SH2B3: variants seen among roughly 807,000 people sequenced by gnomAD.
The protein encoded by SH2B3 is SH2B adaptor protein 3.
SH2B3 carries 43 observed loss-of-function variants against 51.9 expected under a neutral mutation model. The observed-to-expected ratio is 0.83, with a 90% confidence interval of 0.65 to 1.07. The LOEUF (loss-of-function observed/expected upper bound fraction) is 1.07. SH2B3 is among the 50% of genes least tolerant of loss of function. The pLI is 0.00. For synonymous variants in SH2B3, 396 were observed against 376.0 expected (o/e 1.05, Z -0.62); for missense variants, 952 against 834.3 (o/e 1.14, Z -1.74).
intron 2 of SH2B3, chr12:111,444,939 G>A: frequency 1.1e-6 from 1 of 928,136 alleles, no homozygotes; most frequent in South Asian, 5.0e-5. Context: ...GCTCTCAAGG[G>A]CTGCTGTGGG....
At chr12:111,416,482 T>G (rs202233527) in intron 1 of SH2B3, among the ~76,000 whole-genome samples, 5 of 78,858 alleles carry the variant, frequency 6.3e-5, no homozygotes, top group Non-Finnish European at 1.2e-4. Context: ...TTGTTGCTGG[T>G]TTTTTTTTTG....
chr12:111,448,114 G>T lies in SH2B3; in HGVS notation c.1540G>T (p.Gly514Cys). The T allele has an allele frequency of 6.2e-7, 1 of 1,614,086 alleles. No individual in the cohort carries two copies. Among genetic ancestry groups the T allele is most frequent in the Non-Finnish European group, 8.5e-7 (1 of 1,179,994 alleles). The change falls in exon 8 of 8, where the codon GGT (glycine) becomes TGT (cysteine). Residue 514 changes from glycine (G) to cysteine (C), a missense_variant. Transcript: ENST00000341259. ...CTGTCCCCGGGGGCTCAGCCCAGAG[G>T]GTCTCCCAGGGCGATCCTCACCCCC... Reference protein sequence around the residue: ...SGCPRGLSPEGLPGRSSPPEQ... With the variant: ...SGCPRGLSPECLPGRSSPPEQ...
intron 2 of SH2B3, chr12:111,443,821 C>T (rs1873663805): frequency 6.6e-6 from 1 of 152,212 alleles, no homozygotes. Flanking sequence ...TTACAGATGA[C>T]AACTAAGGCA....
intron 2 of SH2B3, among the ~76,000 whole-genome samples, chr12:111,426,908 A>G (rs2135563309): frequency 6.6e-6 from 1 of 152,254 alleles, no homozygotes; most frequent in East Asian, 1.9e-4. Flanking sequence ...CCTAACCCCA[A>G]GCCCTTGGCC....
intron 2 of SH2B3, among the ~76,000 whole-genome samples, chr12:111,424,273 G>A (rs547761733): frequency 6.6e-6 from 1 of 152,130 alleles, no homozygotes; most frequent in African/African-American, 2.4e-5. Flanking sequence ...TGTACATTGG[G>A]GAGTACTCAT....
chr12:111,441,589 C>T (rs73410508), intron 2 of SH2B3, among the ~76,000 whole-genome samples: 94 of 152,038 alleles, frequency 6.2e-4, no homozygotes, highest in Admixed American at 2.3e-3. Context: ...ATGGCTGAGA[C>T]GCACCACGTT....
At chr12:111,424,806 C>G (rs964171234) in intron 2 of SH2B3, among the ~76,000 whole-genome samples, 1 of 152,196 alleles carries the variant, frequency 6.6e-6, no homozygotes, top group African/African-American at 2.4e-5. Context: ...CAACTGTGAT[C>G]CCTGACCTCT....
chr12:111,404,771 C>T (rs1327945535), upstream of SH2B3, among the ~76,000 whole-genome samples: 1 of 152,214 alleles, frequency 6.6e-6, no homozygotes, highest in Non-Finnish European at 1.5e-5. Flanking sequence ...CTCGAGCTAA[C>T]TGCTTTAATG....
At position 111,407,749 on chromosome 12, in the gene SH2B3, G is replaced by T. The variant is rs1337219782; in HGVS notation, c.-28+1472G>T. Among the ~76,000 whole-genome samples, 3 of 152,126 alleles carry T rather than the reference G, an allele frequency of 2.0e-5. No individual in the cohort carries two copies. Among genetic ancestry groups the T allele is most frequent in the African/African-American group, 7.2e-5 (3 of 41,432 alleles). ...GTGAGTCCCTGTGGGCCACAGAGCG[G>T]CCAGCTGGGAAGGGGCTGGCTCAGA... is the stretch of plus-strand genomic sequence containing the variant. On this transcript the variant is annotated intron_variant, in intron 1 of 7. Transcript: ENST00000341259. This position sits in a 1 kb window ranked among gnomAD's most constrained non-coding sequence, Gnocchi z 4.3.
rs1873051766 is a variant in SH2B3, at chr12:111,438,108, T to C, written c.733-8645T>C. Among the ~76,000 whole-genome samples, 4 of 152,154 alleles carry C rather than the reference T, an allele frequency of 2.6e-5. No individual in the cohort carries two copies. Among genetic ancestry groups the C allele is most frequent in the Admixed American group, 2.6e-4 (4 of 15,284 alleles). ...AGGCTCCCTGGAGGAGAGGAGGTTT[T>C]CTCTGCTGGGACATGCAGTTTGGGT... On this transcript the variant is annotated intron_variant, in intron 2 of 7. Transcript: ENST00000341259. This position sits in a 1 kb window ranked among gnomAD's most constrained non-coding sequence, Gnocchi z 4.2.
In SH2B3 at chr12:111,418,696, C is replaced by T; in HGVS notation, c.551C>T (p.Pro184Leu). 2 of 1,488,090 alleles carry T rather than the reference C, an allele frequency of 1.3e-6. No homozygotes were observed. The highest frequency in any genetic ancestry group is 1.8e-6 in the Non-Finnish European group (2 of 1,126,764). 92.2% of individuals were successfully genotyped at this position (1,488,090 alleles called of 1,614,324 possible). A position where few individuals can be genotyped will look rare whatever the true frequency, so the allele number is the denominator to read the frequency against. The change falls in exon 2 of 8, where the codon CCC (proline) becomes CTC (leucine). Residue 184 changes from proline to leucine, a missense_variant. Coordinates refer to ENST00000341259, the MANE Select transcript of SH2B3 (RefSeq NM_005475.3). This position sits in a 1 kb window ranked among gnomAD's most constrained non-coding sequence, Gnocchi z 6.7. ...ARPGLAKKFL[P>L]WSLAREPPPE... ...CCTGGCCTGGCCAAGAAGTTCCTGC[C>T]CTGGAGCCTGGCCCGGGAGCCGCCA...
chr12:111,423,354 G>A (rs1871712527), intron 2 of SH2B3, among the ~76,000 whole-genome samples: 1 of 152,142 alleles, frequency 6.6e-6, no homozygotes, highest in African/African-American at 2.4e-5. Context: ...GTGTGACACT[G>A]TAGGGTTTTT....
At position 111,450,374 on chromosome 12, in the gene SH2B3, T is replaced by C. The variant is rs1041685467; in HGVS notation, c.*2072T>C. ...TCTCTGGAAAATGAATGCTAATTAG[T>C]GTGAACCAAAAGAGTAAGTAAGAGT... On this transcript the variant is annotated 3_prime_UTR_variant, in exon 8 of 8. Transcript: ENST00000341259. 8 of 152,242 alleles carry C rather than the reference T, an allele frequency of 5.3e-5. No individual in the cohort carries two copies. Among genetic ancestry groups the C allele is most frequent in the African/African-American group, 1.7e-4 (7 of 41,474 alleles). 9.4% of individuals were successfully genotyped at this position (152,242 alleles called of 1,614,324 possible). A position where few individuals can be genotyped will look rare whatever the true frequency, so the allele number is the denominator to read the frequency against.
intron 2 of SH2B3, among the ~76,000 whole-genome samples, chr12:111,422,817 C>T (rs1871663697): frequency 6.6e-6 from 1 of 152,148 alleles, no homozygotes; most frequent in African/African-American, 2.4e-5. Flanking sequence ...GCCTCAGCCT[C>T]CCAAAGTACT....
Position 111,425,229 on chromosome 12 carries a change from AG to A in SH2B3, c.732+6356del, listed in dbSNP as rs558226027. 3.9e-3 allele frequency among the ~76,000 whole-genome samples: 593 copies of A among 152,096 alleles called. 2 individuals are homozygous for A. Among genetic ancestry groups the A allele is most frequent in the African/African-American group, 0.013 (547 of 41,488 alleles). On this transcript the variant is annotated intron_variant, in intron 2 of 7. Transcript: ENST00000341259. Reference sequence around the variant, plus strand: ...AGCACTCTGTGACTGGGGGTGTGCAAGGGGAGGCCACAGTCTGCCAGGGGTG... The same window carrying A: ...AGCACTCTGTGACTGGGGGTGTGCAAGGGAGGCCACAGTCTGCCAGGGGTG...
chr12:111,444,389 A>G lies in SH2B3; in HGVS notation c.733-2364A>G, dbSNP rs1403936975. On this transcript the variant is annotated intron_variant, in intron 2 of 7. Transcript: ENST00000341259. ...TATTCCCACTGGAGCCACAGTGGCCATAACAAACAGAAGCCATCTGTTTAG... is the reference window on the plus strand; with the variant it reads ...TATTCCCACTGGAGCCACAGTGGCCGTAACAAACAGAAGCCATCTGTTTAG... Among the ~76,000 whole-genome samples the G allele has an allele frequency of 3.9e-5, 6 of 152,318 alleles. No homozygotes were observed. The East Asian group carries it at 7.7e-4, about 20-fold the overall frequency.
At chr12:111,425,862 G>A (rs1871955637) in intron 2 of SH2B3, among the ~76,000 whole-genome samples, 1 of 152,192 alleles carries the variant, frequency 6.6e-6, no homozygotes, top group Admixed American at 6.5e-5. Flanking sequence ...TTTATGTGGG[G>A]GAAAGGTGAC....
chr12:111,428,655 C>G (rs1872200816), intron 2 of SH2B3, among the ~76,000 whole-genome samples: 1 of 152,138 alleles, frequency 6.6e-6, no homozygotes, highest in African/African-American at 2.4e-5. Context: ...AGCACAGGAG[C>G]CCGGGTGTCT....
At chr12:111,445,646 C>T (rs1873881639) in intron 2 of SH2B3, among the ~76,000 whole-genome samples, 1 of 152,268 alleles carries the variant, frequency 6.6e-6, no homozygotes, top group Non-Finnish European at 1.5e-5. Context: ...CCAGAGCAGG[C>T]CCGGGAGCTC....
Sources: gnomAD v4.1 joint callset for allele counts (sites outside exome capture counted in the v4.1 genomes callset) on GRCh38, gnomAD v4.1.1 for gene constraint, Gnocchi (gnomAD v3.1) non-coding constraint, MANE v1.5 for transcripts, NCBI Gene and HGNC (gene_info 2026-07-23, HGNC 2026-07-21) for gene names.